Variants in PHF5A observed in about 807,000 individuals in gnomAD.
PHF5A encodes PHD finger-like domain-containing protein 5A.
For synonymous variants in PHF5A, 52 were observed against 46.0 expected (o/e 1.13, Z -0.52); for missense variants, 24 against 140.6 (o/e 0.17, Z 4.19).
In PHF5A at chr22:41,468,688, G is replaced by C; in HGVS notation, c.-35C>G. Reference sequence around the variant, plus strand: ...CTAAGCCGGCCACCGGAAGCTTCGGGAACTTCCGTCCGACCTTTAACCCCC... The same window carrying C: ...CTAAGCCGGCCACCGGAAGCTTCGGCAACTTCCGTCCGACCTTTAACCCCC... On this transcript the variant is annotated 5_prime_UTR_variant, in exon 1 of 4. Transcript: ENST00000216252. 1.2e-6 allele frequency: 2 copies of C among 1,605,122 alleles called. No homozygotes were observed. The highest frequency in any genetic ancestry group is 1.7e-6 in the Non-Finnish European group (2 of 1,171,870).
chr22:41,464,438 A>G (rs761698455), intron 3 of PHF5A, among the ~76,000 whole-genome samples: 52 of 152,262 alleles, frequency 3.4e-4, no homozygotes, highest in Non-Finnish European at 6.3e-4. Flanking sequence ...AGCCTGGATC[A>G]TGTCACTGGA....
chr22:41,461,755 C>T (rs1004657146), intron 3 of PHF5A, among the ~76,000 whole-genome samples: 2 of 152,114 alleles, frequency 1.3e-5, no homozygotes, highest in Admixed American at 6.5e-5. Flanking sequence ...CTCCGCCTTC[C>T]GGGTTCAAGC....
chr22:41,463,121 C>T (rs2037838420), intron 3 of PHF5A, among the ~76,000 whole-genome samples: 1 of 151,956 alleles, frequency 6.6e-6, no homozygotes, highest in Non-Finnish European at 1.5e-5. Flanking sequence ...ATTCGCCTAC[C>T]TGGGCCTCCC....
At position 41,460,306 on chromosome 22, in the gene PHF5A, G is replaced by A. The variant is rs2037817009; in HGVS notation, c.*92C>T. On this transcript the variant is annotated 3_prime_UTR_variant, in exon 4 of 4. Transcript: ENST00000216252. ...TAGCAGGCACTCCTGGTGATGCTCTGGGCTCTGCTCCCTTTCTGCTGGTAG... is the reference window on the plus strand; with the variant it reads ...TAGCAGGCACTCCTGGTGATGCTCTAGGCTCTGCTCCCTTTCTGCTGGTAG... The A allele has an allele frequency of 9.4e-7, 1 of 1,066,252 alleles. No individual in the cohort carries two copies. The highest frequency in any genetic ancestry group is 1.6e-5 in the African/African-American group (1 of 63,956). The allele number at this position is 1,066,252 out of a possible 1,614,324, so 66.0% of individuals were successfully genotyped here. A position where few individuals can be genotyped will look rare whatever the true frequency, so the allele number is the denominator to read the frequency against.
chr22:41,468,326 C>A, intron 1 of PHF5A, 179 bp from the exon 2 acceptor site: 1 of 667,588 alleles, frequency 1.5e-6, no homozygotes. Context: ...AAGCACCCTC[C>A]TGAATCTCCT....
rs1381857898 is a variant in PHF5A at position 41,459,989 on chromosome 22, A to T, written c.*409T>A. The T allele has an allele frequency of 7.0e-6, 1 of 142,004 alleles. No individual in the cohort carries two copies. Among genetic ancestry groups the T allele is most frequent in the Non-Finnish European group, 1.5e-5 (1 of 66,644 alleles). The allele number at this position is 142,004 out of a possible 1,614,324, so 8.8% of individuals were successfully genotyped here. On this transcript the variant is annotated 3_prime_UTR_variant, in exon 4 of 4. Transcript: ENST00000216252. ...ACCACACACCAAAGGTTCCTCAAGG[A>T]CAGCTGCCACCAGAGCTGCTGCAAG...
rs1198006011 is a variant in PHF5A, at chr22:41,461,672, A to AT, written c.244-1186dup. 9.3e-4 allele frequency among the ~76,000 whole-genome samples: 133 copies of AT among 142,502 alleles called. 1 individual carries two copies. The highest frequency in any genetic ancestry group is 5.1e-3 in the Admixed American group (73 of 14,246). The allele number at this position is 142,502 out of a possible 152,430, so 93.5% of individuals were successfully genotyped here. On this transcript the variant is annotated intron_variant, in intron 3 of 3. Coordinates refer to ENST00000216252, the MANE Select transcript of PHF5A (RefSeq NM_032758.4). ...AGTGCTCGGCCATACCTTATATTTT[A>AT]TTTTTTTTTGAGACGGAGTCTTGCT...
At position 41,459,910 on chromosome 22, in the gene PHF5A, C is replaced by CA. The variant is rs1181976830; in HGVS notation, c.*487_*488insT. On this transcript the variant is annotated 3_prime_UTR_variant, in exon 4 of 4. Coordinates refer to ENST00000216252, the MANE Select transcript of PHF5A (RefSeq NM_032758.4). Reference sequence around the variant, plus strand: ...AGAGGGCAGAGCCCTGCCCCCCCACCCCCCCCCCAAAAAAAACGGGAAATG... The same window carrying CA: ...AGAGGGCAGAGCCCTGCCCCCCCACCACCCCCCCCAAAAAAAACGGGAAATG... The CA allele has an allele frequency of 9.9e-6, 1 of 100,530 alleles. No homozygotes were observed. The highest frequency in any genetic ancestry group is 1.9e-5 in the Non-Finnish European group (1 of 51,744). The allele number at this position is 100,530 out of a possible 1,614,324, so 6.2% of individuals were successfully genotyped here.
intron 3 of PHF5A, among the ~76,000 whole-genome samples, chr22:41,462,050 C>T (rs1338479510): frequency 6.6e-6 from 1 of 152,166 alleles, no homozygotes; most frequent in African/African-American, 2.4e-5. Context: ...GGGTACAGAG[C>T]ACTACTGGCT....
chr22:41,464,274 A>C (rs1163702903), intron 3 of PHF5A, among the ~76,000 whole-genome samples: 1 of 152,168 alleles, frequency 6.6e-6, no homozygotes, highest in African/African-American at 2.4e-5. Context: ...ATTATAAATG[A>C]GAATACCTAG....
intron 2 of PHF5A, 98 bp downstream of exon 2, chr22:41,468,026 G>A (rs968375968): frequency 7.7e-7 from 1 of 1,295,630 alleles, no homozygotes; most frequent in Non-Finnish European, 1.1e-6. Flanking sequence ...ATACTTCCAG[G>A]CACATCTACT....
At chr22:41,463,845 G>T (rs1836734368) in intron 3 of PHF5A, among the ~76,000 whole-genome samples, 1 of 151,332 alleles carries the variant, frequency 6.6e-6, no homozygotes, top group Admixed American at 6.6e-5. Flanking sequence ...AATGAGCCGA[G>T]ATCGTGCCAT....
chr22:41,468,512 C>T, intron 1 of PHF5A, 90 bp downstream of exon 1: 1 of 1,431,474 alleles, frequency 7.0e-7, no homozygotes. Flanking sequence ...GCCTGCGAGG[C>T]AAGCCCCTAA....
chr22:41,467,955 G>A (rs376488480), intron 2 of PHF5A, 169 bp downstream of exon 2: 6 of 675,880 alleles, frequency 8.9e-6, no homozygotes, highest in East Asian at 2.7e-5. Context: ...AGCGTTAAAT[G>A]TGCAAGCGGC....
intron 3 of PHF5A, among the ~76,000 whole-genome samples, chr22:41,461,080 G>C (rs1428205063): frequency 6.6e-6 from 1 of 152,134 alleles, no homozygotes; most frequent in African/African-American, 2.4e-5. Context: ...GGCTGAGGCA[G>C]GAGAATCGTT....
chr22:41,464,930 T>C (rs1180697567), intron 3 of PHF5A, among the ~76,000 whole-genome samples: 1 of 152,200 alleles, frequency 6.6e-6, no homozygotes, highest in Non-Finnish European at 1.5e-5. Context: ...TTGCACCGCA[T>C]GTCAGGCACT....
intron 3 of PHF5A, among the ~76,000 whole-genome samples, chr22:41,466,340 T>G (rs1328481159): frequency 6.6e-6 from 1 of 152,198 alleles, no homozygotes; most frequent in East Asian, 1.9e-4. Flanking sequence ...CCACTGCCAC[T>G]ACACAGTGTC....
chr22:41,460,392 C>T lies in PHF5A; in HGVS notation c.*6G>A, dbSNP rs779356066. On this transcript the variant is annotated 3_prime_UTR_variant, in exon 4 of 4. Coordinates refer to ENST00000216252, the MANE Select transcript of PHF5A (RefSeq NM_032758.4). ...ATGTTGGGGGGAGGAAGGGGCCACC[C>T]ACCAATCACCTCTTCTTGAAGCCGT... is the stretch of plus-strand genomic sequence containing the variant. The T allele has an allele frequency of 6.3e-7, 1 of 1,590,514 alleles. No homozygotes were observed. Among genetic ancestry groups the T allele is most frequent in the South Asian group, 1.1e-5 (1 of 88,026 alleles).
Position 41,467,620 on chromosome 22 carries a change from A to C in PHF5A, c.77-6T>G, listed in dbSNP as rs1385858544. ...AATCACACACTTGCCATCACCTGTA[A>C]GGAAGAGAATGGAGTCATGCTCACA... On this transcript the variant is annotated splice_polypyrimidine_tract_variant and splice_region_variant and intron_variant, in intron 2 of 3. Transcript: ENST00000216252. 6.2e-7 allele frequency: 1 copy of C among 1,614,078 alleles called. No homozygotes were observed. Among genetic ancestry groups the C allele is most frequent in the African/African-American group, 1.3e-5 (1 of 75,046 alleles).
Sources: gnomAD v4.1 joint callset for allele counts (sites outside exome capture counted in the v4.1 genomes callset) on GRCh38, gnomAD v4.1.1 for gene constraint, MANE v1.5 for transcripts, NCBI Gene and HGNC (gene_info 2026-07-23, HGNC 2026-07-21) for gene names.